The following SV2C variants were observed in gnomAD, a reference collection of about 807,000 sequenced individuals.
SV2C encodes synaptic vesicle glycoprotein 2C.
In SV2C, 49 loss-of-function variants were observed where a neutral mutation model predicts 79.7. The ratio of observed to expected loss-of-function variants is 0.61; its 90% confidence interval spans 0.49 to 0.78. The LOEUF (loss-of-function observed/expected upper bound fraction) is 0.78. SV2C is among the 30% of genes least tolerant of loss of function. The probability of loss-of-function intolerance (pLI) is 0.00; values close to 1 mark genes in which losing one functional copy is unlikely to be tolerated. For synonymous variants in SV2C, 334 were observed against 333.2 expected (o/e 1.00, Z -0.03); for missense variants, 833 against 912.9 (o/e 0.91, Z 1.13).
At chr5:75,936,031 ATAT>A in the SV2C span, among the ~76,000 whole-genome samples, 1 of 152,186 alleles carries the variant, frequency 6.6e-6, no homozygotes, top group East Asian at 1.9e-4. Flanking sequence ...AATTATTGAG[ATAT>A]TATTGGGATG....
Position 76,107,448 on chromosome 5 carries a change from A to G in SV2C, c.-102+23936A>G, listed in dbSNP as rs189133497. 9.2e-5 allele frequency among the ~76,000 whole-genome samples: 14 copies of G among 152,340 alleles called. No homozygotes were observed. In the East Asian group the frequency reaches 2.5e-3, roughly 27 times the overall value. The stretch of plus-strand genomic sequence containing the variant: ...AGATTTTGCATATATGCATTTATGT[A>G]TAATAAGAAATAATACCTTGCAGTT... On this transcript the variant is annotated intron_variant, in intron 1 of 12. Coordinates refer to ENST00000502798, the MANE Select transcript of SV2C (RefSeq NM_014979.4).
At chr5:75,858,349 G>A in the SV2C span, among the ~76,000 whole-genome samples, 2 of 152,104 alleles carry the variant, frequency 1.3e-5, no homozygotes, top group South Asian at 2.1e-4. Context: ...GTTCAGCATC[G>A]ATTGAAATAA....
At chr5:76,215,175 T>C (rs551509529) in intron 4 of SV2C, among the ~76,000 whole-genome samples, 5 of 152,284 alleles carry the variant, frequency 3.3e-5, no homozygotes, top group Non-Finnish European at 5.9e-5. Flanking sequence ...ACATCAATAG[T>C]TTTTAAAGCT....
At chr5:76,277,779 A>T (rs1406575226) in intron 4 of SV2C, among the ~76,000 whole-genome samples, 2 of 151,876 alleles carry the variant, frequency 1.3e-5, no homozygotes, top group Non-Finnish European at 2.9e-5. Flanking sequence ...ACAGATTCCA[A>T]AAGCTATGTA....
At chr5:76,151,678 T>C (rs1045743688) in intron 2 of SV2C, among the ~76,000 whole-genome samples, 47 of 152,100 alleles carry the variant, frequency 3.1e-4, no homozygotes, top group Admixed American at 2.9e-3. Context: ...ATACGAGAGT[T>C]CTGAGGTTGG....
chr5:76,267,232 G>A (rs1297493963), intron 4 of SV2C, among the ~76,000 whole-genome samples: 1 of 152,138 alleles, frequency 6.6e-6, no homozygotes, highest in African/African-American at 2.4e-5. Context: ...TATACCTGGT[G>A]TAGCCAGAGA....
the SV2C span, among the ~76,000 whole-genome samples, chr5:75,849,838 G>C: frequency 6.6e-6 from 1 of 152,122 alleles, no homozygotes. Context: ...CTTGGAATAA[G>C]AGCAAACTCT....
At chr5:76,182,427 C>A (rs1743763631) in intron 2 of SV2C, among the ~76,000 whole-genome samples, 1 of 152,238 alleles carries the variant, frequency 6.6e-6, no homozygotes, top group Admixed American at 6.5e-5. Context: ...CCTTTTCTCT[C>A]TTCTCCAAGC....
At chr5:75,850,723 A>T in the SV2C span, among the ~76,000 whole-genome samples, 1 of 152,142 alleles carries the variant, frequency 6.6e-6, no homozygotes, top group African/African-American at 2.4e-5. Flanking sequence ...GAAAGTATGA[A>T]AATACATTGT....
At chr5:75,892,782 C>T in the SV2C span, among the ~76,000 whole-genome samples, 654 of 152,072 alleles carry the variant, frequency 4.3e-3, 6 homozygotes, top group African/African-American at 0.015. Flanking sequence ...TTTATGGGTG[C>T]GTTGTATTCC....
the SV2C span, among the ~76,000 whole-genome samples, chr5:76,047,020 C>T: frequency 6.6e-6 from 1 of 152,158 alleles, no homozygotes; most frequent in Non-Finnish European, 1.5e-5. Context: ...GAATTTTTTC[C>T]ATTATCTGAC....
upstream of SV2C, chr5:76,078,728 C>T (rs1020207033): frequency 1.3e-5 from 7 of 553,736 alleles, no homozygotes; most frequent in Non-Finnish European, 2.5e-5. Flanking sequence ...ATGGCAAGAC[C>T]ATTCTAAAAG....
intron 2 of SV2C, among the ~76,000 whole-genome samples, chr5:76,164,131 G>A (rs34851212): frequency 0.097 from 14,738 of 152,216 alleles, 898 homozygotes; most frequent in Non-Finnish European, 0.13. Context: ...TCAAGTTTAA[G>A]CAAAGAACTT....
At chr5:76,302,105 T>C (rs1465916852) in intron 12 of SV2C, among the ~76,000 whole-genome samples, 2 of 152,166 alleles carry the variant, frequency 1.3e-5, no homozygotes, top group South Asian at 2.1e-4. Flanking sequence ...ACTTAGTTTG[T>C]AGGCTAACAA....
At chr5:76,300,192 T>TATTATTATTATTATTA (rs3073535) in intron 10 of SV2C, among the ~76,000 whole-genome samples, 1 of 148,798 alleles carries the variant, frequency 6.7e-6, no homozygotes, top group African/African-American at 2.5e-5. Context: ...TTATTATTAT[T>TATTATTATTATTATTA]TTTGTAGAGA....
chr5:76,244,319 T>C (rs956524200), intron 4 of SV2C, among the ~76,000 whole-genome samples: 1 of 152,230 alleles, frequency 6.6e-6, no homozygotes, highest in Non-Finnish European at 1.5e-5. Context: ...GCCCCTGTTG[T>C]ACACAAAACA....
At chr5:76,178,113 G>A (rs1259928291) in intron 2 of SV2C, among the ~76,000 whole-genome samples, 1 of 152,222 alleles carries the variant, frequency 6.6e-6, no homozygotes, top group Non-Finnish European at 1.5e-5. Flanking sequence ...AGGGTAGTCA[G>A]ATGTACAGAT....
chr5:75,968,844 G>A, the SV2C span, among the ~76,000 whole-genome samples: 8 of 152,130 alleles, frequency 5.3e-5, no homozygotes, highest in African/African-American at 1.4e-4. Flanking sequence ...GATACTCCTC[G>A]AGAAGAGCAA....
chr5:76,106,312 G>A (rs187738331), intron 1 of SV2C, among the ~76,000 whole-genome samples: 11 of 152,122 alleles, frequency 7.2e-5, no homozygotes, highest in African/African-American at 2.7e-4. Context: ...CCTCCCATCT[G>A]AACTACCTGA....
Sources: allele counts gnomAD v4.1 joint callset (sites outside exome capture counted in the v4.1 genomes callset), GRCh38; gene constraint gnomAD v4.1.1; transcripts MANE v1.5; gene names NCBI Gene and HGNC (gene_info 2026-07-23, HGNC 2026-07-21).